Variants in BACH2 observed in about 807,000 individuals in gnomAD.
BACH2 encodes transcription regulator protein BACH2.
A neutral mutation model predicts 61.8 loss-of-function variants in BACH2; 5 were observed. The observed-to-expected ratio is 0.08, with a 90% CI of 0.04 to 0.17. BACH2 has a LOEUF of 0.17. BACH2 is among the 10% of genes least tolerant of loss of function. The pLI, the probability that BACH2 is intolerant of heterozygous loss-of-function variation, is 1.00. For missense variants in BACH2, 824 were observed against 1,091.1 expected, an observed-to-expected ratio of 0.76 and a Z score of 3.45; for synonymous variants, 446 against 440.1, an observed-to-expected ratio of 1.01 and a Z score of -0.17.
intron 5 of BACH2, among the ~76,000 whole-genome samples, chr6:90,063,579 G>C (rs1780797143): frequency 6.6e-6 from 1 of 152,176 alleles, no homozygotes; most frequent in African/African-American, 2.4e-5. Flanking sequence ...GGTGATTTTA[G>C]GAAGGCAGCT....
intron 4 of BACH2, among the ~76,000 whole-genome samples, chr6:90,173,555 T>C (rs1280459954): frequency 6.6e-6 from 1 of 152,134 alleles, no homozygotes; most frequent in Non-Finnish European, 1.5e-5. Flanking sequence ...TTATACTAAG[T>C]GAAAGAAGCC....
rs558446120 is a variant in BACH2, at chr6:89,974,630, T to G, written c.244-22768A>C. Among the ~76,000 whole-genome samples the G allele has an allele frequency of 1.3e-5, 2 of 152,198 alleles. 1 individual carries two copies. Among genetic ancestry groups the G allele is most frequent in the South Asian group, 4.1e-4 (2 of 4,836 alleles). On this transcript the variant is annotated intron_variant, in intron 6 of 8. Transcript: ENST00000257749. ...CCAATTAAAGGGCACCAAGTCAAAG[T>G]TGATACGTAAAAATTACTGTCCCAT...
At chr6:89,996,500 T>G (rs1776856192) in intron 6 of BACH2, among the ~76,000 whole-genome samples, 1 of 152,220 alleles carries the variant, frequency 6.6e-6, no homozygotes. Flanking sequence ...TAAGGCCCCA[T>G]GTAGTGAGAC....
At chr6:90,072,794 G>C (rs1781297899) in intron 5 of BACH2, among the ~76,000 whole-genome samples, 2 of 152,024 alleles carry the variant, frequency 1.3e-5, no homozygotes, top group East Asian at 1.9e-4. Context: ...CATCCCACCA[G>C]AAAGTCCCAA....
At chr6:90,216,298 G>T (rs964607951) in intron 3 of BACH2, among the ~76,000 whole-genome samples, 1 of 152,214 alleles carries the variant, frequency 6.6e-6, no homozygotes. Context: ...GACCACAGCC[G>T]CTGGAATGGG....
Position 90,015,332 on chromosome 6 carries a change from T to A in BACH2, c.-12-6476A>T, listed in dbSNP as rs1213651579. Among the ~76,000 whole-genome samples, 4 of 152,226 alleles carry A rather than the reference T, an allele frequency of 2.6e-5. No homozygotes were observed. In the South Asian group the frequency reaches 8.3e-4, roughly 32 times the overall value. On this transcript the variant is annotated intron_variant, in intron 5 of 8. Coordinates refer to ENST00000257749, the MANE Select transcript of BACH2 (RefSeq NM_021813.4). ...TTTGCTTACTTTGGGTTTAATTGGGTCTTTTTTTCTTTTCCAGTTTCCTAA... is the reference window on the plus strand; with the variant it reads ...TTTGCTTACTTTGGGTTTAATTGGGACTTTTTTTCTTTTCCAGTTTCCTAA...
chr6:90,048,290 A>G (rs1212495981), intron 5 of BACH2, among the ~76,000 whole-genome samples: 1 of 152,078 alleles, frequency 6.6e-6, no homozygotes, highest in East Asian at 1.9e-4. Context: ...AACCATGTGC[A>G]GCTAATTTTT....
At chr6:90,190,533 T>C (rs1242625202) in intron 4 of BACH2, among the ~76,000 whole-genome samples, 1 of 152,240 alleles carries the variant, frequency 6.6e-6, no homozygotes, top group African/African-American at 2.4e-5. Flanking sequence ...TTCCCTTACA[T>C]GTCACACTGT....
chr6:90,038,676 G>T (rs1166309321), intron 5 of BACH2, among the ~76,000 whole-genome samples: 1 of 152,080 alleles, frequency 6.6e-6, no homozygotes, highest in Non-Finnish European at 1.5e-5. Flanking sequence ...CTTCCAGAGA[G>T]AACTGATGCC....
chr6:90,296,489 G>A lies in BACH2; in HGVS notation c.-455C>T, dbSNP rs1772397397. The A allele has an allele frequency of 6.6e-6, 1 of 151,396 alleles. No homozygotes were observed. The highest frequency in any genetic ancestry group is 1.5e-5 in the Non-Finnish European group (1 of 67,698). The allele number at this position is 151,396 out of a possible 1,614,324, so 9.4% of individuals were successfully genotyped here. ...GGGGCCCGGGACTCACCTCGCCGGA[G>A]AACTTTGCGTCCTTTTCCGCCTCCT... On this transcript the variant is annotated 5_prime_UTR_variant, in exon 1 of 9. Coordinates refer to ENST00000257749, the MANE Select transcript of BACH2 (RefSeq NM_021813.4).
intron 3 of BACH2, among the ~76,000 whole-genome samples, chr6:90,229,370 G>T (rs924979128): frequency 1.3e-5 from 2 of 152,034 alleles, no homozygotes; most frequent in South Asian, 2.1e-4. Context: ...TGAGGCCAGA[G>T]AATTGCTTGA....
intron 3 of BACH2, among the ~76,000 whole-genome samples, chr6:90,238,914 G>A (rs1329031622): frequency 6.6e-6 from 1 of 152,060 alleles, no homozygotes; most frequent in East Asian, 1.9e-4. Context: ...TCCCTGCTGT[G>A]AGCCCAAGAA....
At chr6:90,105,760 CA>C (rs1231799073) in intron 4 of BACH2, among the ~76,000 whole-genome samples, 3 of 152,060 alleles carry the variant, frequency 2.0e-5, no homozygotes, top group Admixed American at 6.6e-5. Flanking sequence ...ACCAAATGAA[CA>C]AGAAGAAAAG....
intron 5 of BACH2, among the ~76,000 whole-genome samples, chr6:90,031,201 T>C (rs1292189256): frequency 2.0e-5 from 3 of 150,680 alleles, no homozygotes; most frequent in Non-Finnish European, 4.4e-5. Context: ...ATGGGACATA[T>C]CTCAAAATAA....
At chr6:90,286,658 C>A (rs1772025632) in intron 1 of BACH2, among the ~76,000 whole-genome samples, 2 of 152,138 alleles carry the variant, frequency 1.3e-5, no homozygotes, top group South Asian at 4.1e-4. Flanking sequence ...ACACAGTCTT[C>A]CAAGTGACAC....
intron 3 of BACH2, among the ~76,000 whole-genome samples, chr6:90,250,109 CT>C (rs1385078787): frequency 6.6e-6 from 1 of 152,116 alleles, no homozygotes; most frequent in South Asian, 2.1e-4. Flanking sequence ...TAGGCCTGAA[CT>C]TTTGATTTCT....
At chr6:90,191,982 T>G (rs1440911823) in intron 4 of BACH2, among the ~76,000 whole-genome samples, 1 of 152,236 alleles carries the variant, frequency 6.6e-6, no homozygotes, top group Non-Finnish European at 1.5e-5. Context: ...ACTGTTCAAA[T>G]GACTAGCTTT....
At chr6:90,294,522 C>T (rs941437720) in intron 1 of BACH2, among the ~76,000 whole-genome samples, 4 of 152,154 alleles carry the variant, frequency 2.6e-5, no homozygotes, top group South Asian at 2.1e-4. Flanking sequence ...TCCAGAAAAA[C>T]TGAATTTATA....
At chr6:90,221,385 A>G (rs4707608) in intron 3 of BACH2, among the ~76,000 whole-genome samples, 2,471 of 152,280 alleles carry the variant, frequency 0.016, 43 homozygotes, top group East Asian at 0.072. Context: ...CTCAGCATCT[A>G]ATTTTTTCCA....
Sources: gnomAD v4.1 joint callset for allele counts (sites outside exome capture counted in the v4.1 genomes callset) on GRCh38, gnomAD v4.1.1 for gene constraint, MANE v1.5 for transcripts, NCBI Gene and HGNC (gene_info 2026-07-23, HGNC 2026-07-21) for gene names.